Variants in IFT52 observed in about 807,000 individuals in gnomAD.
IFT52 encodes the protein intraflagellar transport 52, also known as intraflagellar transport protein 52 homolog.
IFT52 carries 44 observed loss-of-function variants against 54.4 expected under a neutral mutation model. The observed-to-expected ratio is 0.81, with a 90% CI of 0.63 to 1.04. IFT52 has a LOEUF of 1.04. IFT52 is among the 50% of genes least tolerant of loss of function. IFT52 has a pLI of 0.00. For missense variants in IFT52, 452 were observed against 523.6 expected, an observed-to-expected ratio of 0.86 and a Z score of 1.33; for synonymous variants, 181 against 185.3, an observed-to-expected ratio of 0.98 and a Z score of 0.19.
At chr20:43,636,154 A>G in intron 11 of IFT52, 141 bp downstream of exon 11, 1 of 707,980 alleles carries the variant, frequency 1.4e-6, no homozygotes, top group Non-Finnish European at 2.4e-6. Context: ...CTAAACATGC[A>G]TGGACACCAA....
chr20:43,604,164 TTC>T lies in IFT52; in HGVS notation c.338-15_338-14del, dbSNP rs753114252. On this transcript the variant is annotated splice_polypyrimidine_tract_variant and intron_variant, in intron 4 of 13. Coordinates refer to ENST00000373030, the MANE Select transcript of IFT52 (RefSeq NM_016004.5). ...TATTTCTAACCTAAAATATACCTCCTTCTCTTTTTCCCTCATAGATGCTGTGG... is the reference window on the plus strand; with the variant it reads ...TATTTCTAACCTAAAATATACCTCCTTCTTTTTCCCTCATAGATGCTGTGG... 1.3e-6 allele frequency: 2 copies of T among 1,569,532 alleles called. No homozygotes were observed. The highest frequency in any genetic ancestry group is 1.8e-6 in the Non-Finnish European group (2 of 1,139,550).
At chr20:43,599,931 G>A (rs1397756386) in intron 3 of IFT52, among the ~76,000 whole-genome samples, 1 of 152,018 alleles carries the variant, frequency 6.6e-6, no homozygotes, top group Non-Finnish European at 1.5e-5. Flanking sequence ...ACCCTGAATT[G>A]AAATGCAAAG....
intron 10 of IFT52, among the ~76,000 whole-genome samples, chr20:43,626,382 G>A (rs1984724856): frequency 1.3e-5 from 2 of 151,528 alleles, no homozygotes; most frequent in African/African-American, 4.9e-5. Flanking sequence ...TCCTGCCTGA[G>A]CCTCCTGAGT....
intron 3 of IFT52, among the ~76,000 whole-genome samples, chr20:43,602,142 A>T (rs6073144): frequency 0.17 from 3,597 of 21,268 alleles, 109 homozygotes; most frequent in East Asian, 0.4. Flanking sequence ...GCTGATTTTT[A>T]TTTTATTTAT....
At chr20:43,619,693 C>CA (rs1266995226) in intron 8 of IFT52, among the ~76,000 whole-genome samples, 3 of 151,638 alleles carry the variant, frequency 2.0e-5, no homozygotes, top group Admixed American at 1.3e-4. Context: ...GCAATTTTGT[C>CA]AAAAAAATGC....
intron 3 of IFT52, among the ~76,000 whole-genome samples, chr20:43,603,111 C>G (rs1253912639): frequency 6.6e-6 from 1 of 151,982 alleles, no homozygotes; most frequent in African/African-American, 2.4e-5. Context: ...TCTGGACCAC[C>G]CACCCCAGAT....
chr20:43,617,994 C>T (rs775876215), intron 7 of IFT52, among the ~76,000 whole-genome samples: 1 of 152,028 alleles, frequency 6.6e-6, no homozygotes, highest in Non-Finnish European at 1.5e-5. Context: ...GGTGATCTGC[C>T]CACCTTGGCC....
chr20:43,639,978 A>G (rs188756398), intron 12 of IFT52, among the ~76,000 whole-genome samples: 119 of 152,232 alleles, frequency 7.8e-4, no homozygotes, highest in African/African-American at 2.6e-3. Context: ...CCTGGGCAAC[A>G]CTGTGAGACC....
At chr20:43,640,234 A>C (rs887679534) in intron 12 of IFT52, among the ~76,000 whole-genome samples, 7 of 152,094 alleles carry the variant, frequency 4.6e-5, no homozygotes, top group African/African-American at 1.7e-4. Context: ...AGGCAGGTGG[A>C]TCACAAGGTC....
chr20:43,631,947 C>T (rs1985199737), intron 10 of IFT52, among the ~76,000 whole-genome samples: 1 of 144,874 alleles, frequency 6.9e-6, no homozygotes, highest in South Asian at 2.2e-4. Context: ...TTTTTTAAGA[C>T]AGAGTTTCGC....
At chr20:43,626,059 T>G (rs1400859445) in intron 10 of IFT52, among the ~76,000 whole-genome samples, 6 of 148,220 alleles carry the variant, frequency 4.0e-5, no homozygotes, top group Non-Finnish European at 7.4e-5. Flanking sequence ...AATAACTGAG[T>G]TGAGAAAGAC....
intron 1 of IFT52, among the ~76,000 whole-genome samples, chr20:43,591,920 A>G (rs971786897): frequency 2.6e-5 from 4 of 152,210 alleles, no homozygotes; most frequent in Admixed American, 6.5e-5. Context: ...GCAGGAGCTT[A>G]CAGGTAGATA....
chr20:43,647,209 C>G lies in IFT52; in HGVS notation c.*226C>G, dbSNP rs1370180250. 7 of 559,170 alleles carry G rather than the reference C, an allele frequency of 1.3e-5. No homozygotes were observed. The highest frequency in any genetic ancestry group is 1.9e-5 in the African/African-American group (1 of 53,192). 34.6% of individuals were successfully genotyped at this position (559,170 alleles called of 1,614,324 possible). ...AAATTAAATGTATGGTTGCATCTGTCTTTTTATACCCTATGAAACAGTCTT... is the reference window on the plus strand; with the variant it reads ...AAATTAAATGTATGGTTGCATCTGTGTTTTTATACCCTATGAAACAGTCTT... On this transcript the variant is annotated 3_prime_UTR_variant, in exon 14 of 14. Transcript: ENST00000373030.
At position 43,623,555 on chromosome 20, in the gene IFT52, G is replaced by A. The variant is rs139843725; in HGVS notation, c.769-336G>A. ...AAGAATGGGAAAGTGAGTAGACTACGGAGATGTAGTTGATTGCTGAGCGCT... is the reference window on the plus strand; with the variant it reads ...AAGAATGGGAAAGTGAGTAGACTACAGAGATGTAGTTGATTGCTGAGCGCT... On this transcript the variant is annotated intron_variant, in intron 9 of 13. Transcript: ENST00000373030. 5.9e-3 allele frequency among the ~76,000 whole-genome samples: 895 copies of A among 152,268 alleles called. 5 individuals carry two copies. The highest frequency in any genetic ancestry group is 0.011 in the South Asian group (54 of 4,826).
chr20:43,639,237 A>AG (rs1326073121), intron 12 of IFT52, among the ~76,000 whole-genome samples: 2 of 7,680 alleles, frequency 2.6e-4, no homozygotes, highest in African/African-American at 3.4e-4. Flanking sequence ...CCATCTCTAC[A>AG]AAAAAAAAAA....
At chr20:43,602,098 T>C (rs949657746) in intron 3 of IFT52, among the ~76,000 whole-genome samples, 1 of 152,084 alleles carries the variant, frequency 6.6e-6, no homozygotes, top group Non-Finnish European at 1.5e-5. Flanking sequence ...AAAAGAGGCA[T>C]TGGATTATTG....
At chr20:43,615,654 A>C (rs1473664975) in intron 7 of IFT52, among the ~76,000 whole-genome samples, 1 of 150,706 alleles carries the variant, frequency 6.6e-6, no homozygotes, top group Non-Finnish European at 1.5e-5. Context: ...AAATACAAAA[A>C]TTGACCAGGC....
intron 10 of IFT52, among the ~76,000 whole-genome samples, chr20:43,631,315 A>C (rs967258209): frequency 2.4e-4 from 37 of 152,206 alleles, no homozygotes; most frequent in African/African-American, 8.2e-4. Context: ...GGTGCTTGAT[A>C]AAAGTTATTT....
chr20:43,603,726 G>A (rs1982631228), intron 3 of IFT52, 34 bp from the exon 4 acceptor site: 1 of 1,600,084 alleles, frequency 6.2e-7, no homozygotes, highest in Non-Finnish European at 8.5e-7. Context: ...AGTCTTTCAA[G>A]TATATTCATA....
Sources: allele counts gnomAD v4.1 joint callset (sites outside exome capture counted in the v4.1 genomes callset), GRCh38; gene constraint gnomAD v4.1.1; transcripts MANE v1.5; gene names NCBI Gene and HGNC (gene_info 2026-07-23, HGNC 2026-07-21).